Variants in TTLL7 observed in about 807,000 individuals in gnomAD.
TTLL7 encodes tubulin polyglutamylase TTLL7.
In TTLL7, 53 loss-of-function variants were observed where a neutral mutation model predicts 120.2. That is an observed-to-expected ratio of 0.44 (90% confidence interval 0.35 to 0.55). The LOEUF is 0.55. Ranked by LOEUF, TTLL7 falls within the 20% of genes least tolerant of loss-of-function variation. The probability of loss-of-function intolerance (pLI) is 0.00; values close to 1 mark genes in which losing one functional copy is unlikely to be tolerated. For synonymous variants in TTLL7, 353 were observed against 351.7 expected (o/e 1.00, Z -0.04); for missense variants, 803 against 1,054.7 (o/e 0.76, Z 3.31).
At chr1:83,890,171 T>C in intron 19 of TTLL7, 150 bp downstream of exon 19, 3 of 752,304 alleles carry the variant, frequency 4.0e-6, no homozygotes, top group Non-Finnish European at 6.4e-6. Context: ...TCAGCTTAAT[T>C]GATATAAATT....
chr1:83,883,018 C>CATATT lies in TTLL7; in HGVS notation c.2483_2487dup (p.Ala830AsnfsTer32), dbSNP rs1235331658. On this transcript the variant is annotated frameshift_variant, in exon 20 of 21. Transcript: ENST00000260505. LOFTEE classifies it high-confidence loss of function. ...GAAAGTGATCCTCTTTTGTCAGTTG[C>CATATT]ATATTTGTAAACCACTAGCAGGCAC... The CATATT allele has an allele frequency of 1.9e-6, 3 of 1,612,740 alleles. No homozygotes were observed.
At chr1:83,917,099 CAAA>C (rs540546625) in intron 14 of TTLL7, among the ~76,000 whole-genome samples, 7 of 81,260 alleles carry the variant, frequency 8.6e-5, no homozygotes, top group Admixed American at 1.4e-4. Flanking sequence ...ACCCTGTTAT[CAAA>C]AAAAAAAAAA....
intron 15 of TTLL7, 93 bp from the exon 16 acceptor site, chr1:83,907,754 C>T: frequency 8.7e-7 from 1 of 1,143,828 alleles, no homozygotes; most frequent in Non-Finnish European, 1.3e-6. Flanking sequence ...ATTATAGCAG[C>T]TAGTAGTAAA....
chr1:83,866,409 A>AAT lies in TTLL7; in HGVS notation c.*3552_*3553insAT. On this transcript the variant is annotated 3_prime_UTR_variant, in exon 21 of 21. Transcript: ENST00000260505. The stretch of plus-strand genomic sequence containing the variant: ...TAGATACAAAATTCCATACTCATAT[A>AAT]TTTTACAAATTAAAAAGACAGTTAA... The AAT allele has an allele frequency of 6.6e-6, 1 of 152,004 alleles. No homozygotes were observed. Among genetic ancestry groups the AAT allele is most frequent in the South Asian group, 2.1e-4 (1 of 4,826 alleles). The allele number at this position is 152,004 out of a possible 1,614,324, so 9.4% of individuals were successfully genotyped here. A position where few individuals can be genotyped will look rare whatever the true frequency, so the allele number is the denominator to read the frequency against.
intron 4 of TTLL7, among the ~76,000 whole-genome samples, chr1:83,949,151 C>A (rs1648788746): frequency 6.6e-6 from 1 of 152,068 alleles, no homozygotes; most frequent in Non-Finnish European, 1.5e-5. Context: ...AGTTTGAGGT[C>A]TATTTTCTTC....
At chr1:83,941,021 A>C (rs928928293) in intron 7 of TTLL7, among the ~76,000 whole-genome samples, 2 of 152,050 alleles carry the variant, frequency 1.3e-5, no homozygotes, top group African/African-American at 4.8e-5. Flanking sequence ...AGCCAAACTG[A>C]CCTTGTCTGC....
intron 9 of TTLL7, among the ~76,000 whole-genome samples, chr1:83,932,371 G>T (rs1299642285): frequency 6.6e-6 from 1 of 152,066 alleles, no homozygotes; most frequent in Non-Finnish European, 1.5e-5. Context: ...CAAGATGAAG[G>T]GTCCATAGTG....
rs1654657591 is a variant in TTLL7, at chr1:83,883,113, T to C, written c.2393A>G (p.Asn798Ser). The C allele has an allele frequency of 3.7e-6, 6 of 1,607,810 alleles. No homozygotes were observed. The South Asian group carries it at 6.6e-5, about 18-fold the overall frequency. Reference sequence around the variant, plus strand: ...AGGAGTCACCACCTCCGGGCTTTTATTGAATATACTCTCCCAAGAGGATCT... The same window carrying C: ...AGGAGTCACCACCTCCGGGCTTTTACTGAATATACTCTCCCAAGAGGATCT... ...DSGSSWESIF[N>S]KSPEVVTPLQ... is the part of the protein sequence containing the mutation. Residue 798 changes from asparagine (N) to serine (S), a missense_variant, in exon 20 of 21, where the codon AAT (asparagine) becomes AGT (serine). Physicochemically the swap from Asn to Ser is conservative, Grantham distance 46 (BLOSUM62 1). Transcript: ENST00000260505.
At chr1:83,981,680 A>T (rs534189438) in intron 1 of TTLL7, 1 of 152,392 alleles carries the variant, frequency 6.6e-6, no homozygotes, top group South Asian at 2.1e-4. Flanking sequence ...AATAGCAAAA[A>T]AATTAGCCAG....
Position 83,937,911 on chromosome 1 carries a change from A to G in TTLL7, c.829T>C (p.Phe277Leu). Residue 277 changes from phenylalanine to leucine, a missense_variant, in exon 8 of 21, where the codon TTT becomes CTT. Physicochemically the swap from Phe to Leu is conservative, Grantham distance 22. Transcript: ENST00000260505. ...NKGSKRSIKW[F>L]TEFLQANQHD... is the part of the protein sequence containing the mutation. ...TGATTTGCTTGAAGGAATTCTGTAA[A>G]CCATTTGATGGAACGTTTGCTGCCT... 1 of 1,614,086 alleles carries G rather than the reference A, an allele frequency of 6.2e-7. No individual in the cohort carries two copies. Among genetic ancestry groups the G allele is most frequent in the Non-Finnish European group, 8.5e-7 (1 of 1,179,978 alleles).
intron 18 of TTLL7, 152 bp downstream of exon 18, chr1:83,903,927 G>A (rs1656955696): frequency 1.5e-6 from 1 of 649,322 alleles, no homozygotes; most frequent in Non-Finnish European, 2.7e-6. Context: ...ACCTAGAAGA[G>A]TGCCTGACAC....
Position 83,938,009 on chromosome 1 carries a change from A to G in TTLL7, c.731T>C (p.Leu244Ser). Residue 244 changes from leucine (L) to serine (S), a missense_variant, in exon 8 of 21, where the codon TTA becomes TCA. By Grantham distance (145) the Leu-to-Ser change is moderately radical (BLOSUM62 -2). Coordinates refer to ENST00000260505, the MANE Select transcript of TTLL7 (RefSeq NM_024686.6). ...GGAGTAGTTTGTCAGATGCATGTAT[A>G]ACTGGGTCTGTAACAAGTAAGAACC... ...IPPNESNLTQ[L>S]YMHLTNYSVN... is the part of the protein sequence containing the mutation. The G allele has an allele frequency of 6.2e-7, 1 of 1,613,978 alleles. No homozygotes were observed. The highest frequency in any genetic ancestry group is 8.5e-7 in the Non-Finnish European group (1 of 1,179,874).
chr1:83,942,774 G>C, intron 6 of TTLL7, 95 bp from the exon 7 acceptor site: 1 of 862,804 alleles, frequency 1.2e-6, no homozygotes, highest in Non-Finnish European at 1.8e-6. Flanking sequence ...AGTGGAGTAA[G>C]GGACTCCAAA....
intron 9 of TTLL7, among the ~76,000 whole-genome samples, chr1:83,931,682 C>G (rs949693765): frequency 1.3e-5 from 2 of 151,898 alleles, no homozygotes; most frequent in African/African-American, 2.4e-5. Flanking sequence ...TTTAAGAGTA[C>G]TTAAAACTAT....
intron 9 of TTLL7, among the ~76,000 whole-genome samples, chr1:83,931,864 G>A (rs954294145): frequency 5.3e-5 from 8 of 152,072 alleles, no homozygotes; most frequent in African/African-American, 1.7e-4. Context: ...ACTTGATGGC[G>A]CCAAAAGGTT....
At chr1:83,947,320 C>A in intron 5 of TTLL7, 38 bp from the exon 6 acceptor site, 2 of 1,544,250 alleles carry the variant, frequency 1.3e-6, no homozygotes, top group Admixed American at 2.0e-5. Flanking sequence ...AATTTCTATT[C>A]AAACTAGCAT....
chr1:83,947,012 A>G (rs1648569492), intron 6 of TTLL7, 112 bp downstream of exon 6: 1 of 811,878 alleles, frequency 1.2e-6, no homozygotes, highest in Non-Finnish European at 1.8e-6. Flanking sequence ...TTAGAAACCT[A>G]TTTCGTTATT....
intron 3 of TTLL7, 48 bp downstream of exon 3, chr1:83,951,797 T>A (rs1320254427): frequency 2.6e-6 from 4 of 1,563,374 alleles, no homozygotes; most frequent in Middle Eastern, 1.7e-4. Flanking sequence ...CCAAATCAGT[T>A]TTTCCAGCAA....
At chr1:83,882,135 G>A (rs1009364875) in intron 20 of TTLL7, among the ~76,000 whole-genome samples, 4 of 150,608 alleles carry the variant, frequency 2.7e-5, no homozygotes, top group Non-Finnish European at 4.4e-5. Flanking sequence ...TACACCTAAT[G>A]GTAAATGACG....
Sources: gnomAD v4.1 joint callset for allele counts (sites outside exome capture counted in the v4.1 genomes callset) on GRCh38, gnomAD v4.1.1 for gene constraint, MANE v1.5 for transcripts, NCBI Gene and HGNC (gene_info 2026-07-23, HGNC 2026-07-21) for gene names.